The following PTPRJ variants were observed in gnomAD, a reference collection of about 807,000 sequenced individuals.
The protein encoded by PTPRJ is protein tyrosine phosphatase receptor type J, also known as receptor-type tyrosine-protein phosphatase eta.
In PTPRJ, 129 loss-of-function variants were observed where a neutral mutation model predicts 141.3. The observed-to-expected ratio is 0.91, with a 90% confidence interval of 0.79 to 1.06. The LOEUF (loss-of-function observed/expected upper bound fraction) is 1.06. Ranked by LOEUF, PTPRJ falls within the 50% of genes least tolerant of loss-of-function variation. The pLI, the probability that PTPRJ is intolerant of heterozygous loss-of-function variation, is 0.00. For missense variants in PTPRJ, 1,601 were observed against 1,679.7 expected, an observed-to-expected ratio of 0.95 and a Z score of 0.82; for synonymous variants, 610 against 640.5, an observed-to-expected ratio of 0.95 and a Z score of 0.72.
intron 1 of PTPRJ, among the ~76,000 whole-genome samples, chr11:47,990,237 ATAAAT>A (rs1404727934): frequency 6.6e-6 from 1 of 152,172 alleles, no homozygotes; most frequent in African/African-American, 2.4e-5. Flanking sequence ...AGATATCTAA[ATAAAT>A]TAAAAGGCTA....
chr11:48,052,072 T>G (rs1359503377), intron 1 of PTPRJ, among the ~76,000 whole-genome samples: 3 of 152,222 alleles, frequency 2.0e-5, no homozygotes, highest in Non-Finnish European at 4.4e-5. Flanking sequence ...CTAAGCTTCT[T>G]GAGGGCAGAG....
intron 1 of PTPRJ, among the ~76,000 whole-genome samples, chr11:48,029,727 GT>G (rs11322321): frequency 0.075 from 11,395 of 151,980 alleles, 1,378 homozygotes; most frequent in African/African-American, 0.26. Context: ...AGATTTATGG[GT>G]TTTTTTTGAG....
chr11:48,107,281 C>T (rs1490039899), intron 1 of PTPRJ, among the ~76,000 whole-genome samples: 3 of 151,714 alleles, frequency 2.0e-5, no homozygotes, highest in East Asian at 1.9e-4. Context: ...AGAAAGAGTT[C>T]GACTTATCAG....
At chr11:48,015,650 G>T (rs1347747377) in intron 1 of PTPRJ, among the ~76,000 whole-genome samples, 1 of 152,012 alleles carries the variant, frequency 6.6e-6, no homozygotes, top group Admixed American at 6.6e-5. Context: ...GCTGAGGCAG[G>T]TGGATCACTT....
At position 48,155,886 on chromosome 11, in the gene PTPRJ, G is replaced by T. The variant is rs1444105238; in HGVS notation, c.3303+12G>T. ...CCAACTACATGCCTGTAAGTTGGGG[G>T]ACGGTCTCACAGCACTGGACTGTTT... On this transcript the variant is annotated intron_variant, in intron 20 of 24. Coordinates refer to ENST00000418331, the MANE Select transcript of PTPRJ (RefSeq NM_002843.4). 2.5e-6 allele frequency: 4 copies of T among 1,598,604 alleles called. No individual in the cohort carries two copies. The highest frequency in any genetic ancestry group is 3.4e-6 in the Non-Finnish European group (4 of 1,166,164).
chr11:48,153,879 T>A lies in PTPRJ; in HGVS notation c.3222T>A (p.Val1074=). ...GAGGAAAGAATCGCTATAATAATGTTCTGCCCTGTAAGTTATTTTATCTAC... is the reference window on the plus strand; with the variant it reads ...GAGGAAAGAATCGCTATAATAATGTACTGCCCTGTAAGTTATTTTATCTAC... ...ENRGKNRYNN[V]LPYDISRVKL... The change falls in exon 19 of 25, where the codon GTT becomes GTA. Residue 1074 remains valine, a synonymous_variant. Transcript: ENST00000418331. 6.2e-7 allele frequency: 1 copy of A among 1,609,430 alleles called. No homozygotes were observed. Among genetic ancestry groups the A allele is most frequent in the Non-Finnish European group, 8.5e-7 (1 of 1,175,764 alleles).
At chr11:48,001,157 C>G (rs940801689) in intron 1 of PTPRJ, among the ~76,000 whole-genome samples, 3 of 151,782 alleles carry the variant, frequency 2.0e-5, no homozygotes, top group African/African-American at 7.3e-5. Context: ...TTACACCTAG[C>G]TAGTTTTTGT....
intron 1 of PTPRJ, among the ~76,000 whole-genome samples, chr11:47,997,422 A>G (rs1305218270): frequency 6.6e-6 from 1 of 152,230 alleles, no homozygotes; most frequent in Non-Finnish European, 1.5e-5. Context: ...AGGTTTACAC[A>G]TGTGACAAAC....
At chr11:48,022,124 G>C (rs186583047) in intron 1 of PTPRJ, among the ~76,000 whole-genome samples, 1 of 152,134 alleles carries the variant, frequency 6.6e-6, no homozygotes, top group African/African-American at 2.4e-5. Flanking sequence ...TACGAAGAGG[G>C]GTGCCTCAGG....
At chr11:48,111,551 A>G (rs897567083) in intron 2 of PTPRJ, among the ~76,000 whole-genome samples, 16 of 152,170 alleles carry the variant, frequency 1.1e-4, no homozygotes, top group African/African-American at 3.9e-4. Flanking sequence ...AAACAATGGG[A>G]AGAGTACTGC....
At chr11:48,133,998 G>A (rs1176383003) in intron 8 of PTPRJ, among the ~76,000 whole-genome samples, 1 of 152,162 alleles carries the variant, frequency 6.6e-6, no homozygotes, top group Non-Finnish European at 1.5e-5. Context: ...TTATGCTGGG[G>A]ATAATGACAG....
chr11:48,014,660 T>C (rs1413356384), intron 1 of PTPRJ: 3 of 152,190 alleles, frequency 2.0e-5, no homozygotes, highest in Non-Finnish European at 2.9e-5. Context: ...CATTATCTGC[T>C]TTACCCCTCA....
intron 1 of PTPRJ, among the ~76,000 whole-genome samples, chr11:48,043,271 C>G (rs1215792063): frequency 3.3e-5 from 5 of 152,166 alleles, no homozygotes; most frequent in Non-Finnish European, 5.9e-5. Flanking sequence ...GGCTGGAGTG[C>G]AGTGCCATGA....
rs139347207 is a variant in PTPRJ, at chr11:48,030,276, C to G, written c.96+49268C>G. ...ACAAATCAGATTTATAGTCAGTTAA[C>G]GGAGGCTTAAGTGATGTAAAGTTTT... On this transcript the variant is annotated intron_variant, in intron 1 of 24. Coordinates refer to ENST00000418331, the MANE Select transcript of PTPRJ (RefSeq NM_002843.4). 3.3e-5 allele frequency among the ~76,000 whole-genome samples: 5 copies of G among 152,150 alleles called. No individual in the cohort carries two copies. In the East Asian group the frequency reaches 9.6e-4, roughly 29 times the overall value.
chr11:47,997,057 C>T (rs1854356644), intron 1 of PTPRJ, among the ~76,000 whole-genome samples: 1 of 152,196 alleles, frequency 6.6e-6, no homozygotes, highest in African/African-American at 2.4e-5. Flanking sequence ...TCTTTTCCTC[C>T]AGAACATGGT....
intron 1 of PTPRJ, among the ~76,000 whole-genome samples, chr11:48,109,354 T>G (rs1856380872): frequency 6.6e-6 from 1 of 152,146 alleles, no homozygotes; most frequent in Non-Finnish European, 1.5e-5. Context: ...TTGAATCACT[T>G]TAGATTTTTA....
intron 3 of PTPRJ, 80 bp downstream of exon 3, chr11:48,113,063 GTTC>G (rs1181329592): frequency 1.1e-5 from 13 of 1,225,846 alleles, no homozygotes; most frequent in East Asian, 2.4e-5. Context: ...TCCAAATACT[GTTC>G]TTCTTTTAAT....
Position 47,981,024 on chromosome 11 carries a change from G to T in PTPRJ, c.96+16G>T. 8.3e-7 allele frequency: 1 copy of T among 1,207,432 alleles called. No homozygotes were observed. The highest frequency in any genetic ancestry group is 1.0e-6 in the Non-Finnish European group (1 of 971,528). The allele number at this position is 1,207,432 out of a possible 1,614,324, so 74.8% of individuals were successfully genotyped here. ...CCTGGGCCAGGTAAGCGCCGGGTGG[G>T]CTCGGGCGGGGGGCAGGAGGCTGGG... On this transcript the variant is annotated intron_variant, in intron 1 of 24. Coordinates refer to ENST00000418331, the MANE Select transcript of PTPRJ (RefSeq NM_002843.4).
intron 1 of PTPRJ, among the ~76,000 whole-genome samples, chr11:48,079,156 A>C (rs1168580293): frequency 1.6e-5 from 2 of 122,148 alleles, no homozygotes; most frequent in African/African-American, 7.7e-5. Flanking sequence ...CTGATGAGCT[A>C]AAAAAAAAAA....
Sources: allele counts gnomAD v4.1 joint callset (sites outside exome capture counted in the v4.1 genomes callset), GRCh38; gene constraint gnomAD v4.1.1; transcripts MANE v1.5; gene names NCBI Gene and HGNC (gene_info 2026-07-23, HGNC 2026-07-21).